Variants in NYAP2 observed in about 807,000 individuals in gnomAD.
NYAP2 encodes neuronal tyrosine-phosphorylated phosphoinositide-3-kinase adapter 2.
A neutral mutation model predicts 50.4 loss-of-function variants in NYAP2; 23 were observed. The ratio of observed to expected loss-of-function variants is 0.46; its 90% CI spans 0.33 to 0.65. The LOEUF (loss-of-function observed/expected upper bound fraction) is 0.65. Among genes scored for constraint, NYAP2 ranks in the 30% least tolerant of loss-of-function variants. The probability of loss-of-function intolerance (pLI) is 0.02; values close to 1 mark genes in which losing one functional copy is unlikely to be tolerated. For missense variants in NYAP2, 885 were observed against 861.0 expected (o/e 1.03, Z -0.35); for synonymous variants, 394 against 365.2 (o/e 1.08, Z -0.90).
At chr2:225,435,137 G>A (rs1488730905) in intron 3 of NYAP2, among the ~76,000 whole-genome samples, 3 of 151,718 alleles carry the variant, frequency 2.0e-5, no homozygotes, top group Non-Finnish European at 4.4e-5. Flanking sequence ...TGCTTTTTTC[G>A]GTGACACTTC....
chr2:225,532,241 C>A (rs1574662105), intron 4 of NYAP2, among the ~76,000 whole-genome samples: 1 of 152,168 alleles, frequency 6.6e-6, no homozygotes, highest in African/African-American at 2.4e-5. Flanking sequence ...TTCACCCTAC[C>A]TTACAGTGTG....
the NYAP2 span, among the ~76,000 whole-genome samples, chr2:225,668,503 C>CTCT: frequency 1.3e-5 from 2 of 152,126 alleles, no homozygotes; most frequent in South Asian, 4.1e-4. Context: ...CTTGTATTTT[C>CTCT]TCTTAGAAAA....
intron 4 of NYAP2, among the ~76,000 whole-genome samples, chr2:225,525,084 G>A (rs1252494226): frequency 6.6e-6 from 1 of 152,028 alleles, no homozygotes; most frequent in Admixed American, 6.6e-5. Flanking sequence ...GTTAAAAAAT[G>A]GATGTTGGCA....
chr2:225,680,701 A>G, the NYAP2 span, among the ~76,000 whole-genome samples: 1 of 152,172 alleles, frequency 6.6e-6, no homozygotes, highest in Non-Finnish European at 1.5e-5. Context: ...ATGCAATTAG[A>G]TTCCCTGCAA....
At chr2:225,599,491 G>T (rs1692661483) in intron 5 of NYAP2, among the ~76,000 whole-genome samples, 5 of 150,718 alleles carry the variant, frequency 3.3e-5, no homozygotes, top group African/African-American at 1.2e-4. Context: ...AGTCATCAGG[G>T]CATGGTAGAG....
chr2:225,517,701 T>C lies in NYAP2; in HGVS notation c.523+4029T>C, dbSNP rs1038135649. On this transcript the variant is annotated intron_variant, in intron 4 of 6. Transcript: ENST00000636099. ...TACCTTATTGAATCACCACTTCTAA[T>C]AGGCCTGAATAACATGAAATTTTGG... Among the ~76,000 whole-genome samples, 3 of 152,152 alleles carry C rather than the reference T, an allele frequency of 2.0e-5. No individual in the cohort carries two copies. In the East Asian group the frequency reaches 5.8e-4, roughly 29 times the overall value.
At chr2:225,470,056 T>G (rs1295806153) in intron 3 of NYAP2, among the ~76,000 whole-genome samples, 1 of 152,182 alleles carries the variant, frequency 6.6e-6, no homozygotes, top group East Asian at 1.9e-4. Context: ...CTAACAGGCC[T>G]GTTCTGGAGA....
chr2:225,554,850 ATATGT>A lies in NYAP2; in HGVS notation c.524-27088_524-27084del, dbSNP rs1691749428. Among the ~76,000 whole-genome samples, 6 of 152,262 alleles carry A rather than the reference ATATGT, an allele frequency of 3.9e-5. No homozygotes were observed. The South Asian group carries it at 1.2e-3, about 32-fold the overall frequency. On this transcript the variant is annotated intron_variant, in intron 4 of 6. Coordinates refer to ENST00000636099, the Ensembl canonical transcript of NYAP2. ...AATGAGTAACAATGTGAGATGATAGATATGTTAGTTTGTTCCACTATAATAACCAT... is the reference window on the plus strand; with the variant it reads ...AATGAGTAACAATGTGAGATGATAGATAGTTTGTTCCACTATAATAACCAT...
intron 6 of NYAP2, among the ~76,000 whole-genome samples, chr2:225,637,710 C>T (rs1284034638): frequency 6.6e-6 from 1 of 152,166 alleles, no homozygotes; most frequent in Non-Finnish European, 1.5e-5. Context: ...AAAACTGTGA[C>T]TTCTGCTGGC....
intron 6 of NYAP2, among the ~76,000 whole-genome samples, chr2:225,628,875 A>G (rs771185266): frequency 1.3e-5 from 2 of 152,170 alleles, no homozygotes; most frequent in Admixed American, 6.5e-5. Flanking sequence ...TGAGAATACA[A>G]TGACAAAAAA....
chr2:225,472,989 T>C (rs1191643288), intron 3 of NYAP2, among the ~76,000 whole-genome samples: 1 of 152,176 alleles, frequency 6.6e-6, no homozygotes, highest in Admixed American at 6.5e-5. Context: ...CCCCAGTGTG[T>C]GATGTTCCCC....
intron 5 of NYAP2, among the ~76,000 whole-genome samples, chr2:225,600,680 C>A (rs2106241404): frequency 6.6e-6 from 1 of 152,280 alleles, no homozygotes; most frequent in East Asian, 1.9e-4. Flanking sequence ...CATCACCACT[C>A]AAGAGCTTTC....
intron 3 of NYAP2, among the ~76,000 whole-genome samples, chr2:225,512,872 C>T (rs62188685): frequency 0.31 from 41,092 of 131,294 alleles, 6,727 homozygotes; most frequent in South Asian, 0.47. Context: ...TTCCTTCCTT[C>T]CTTCCTTCCT....
intron 5 of NYAP2, among the ~76,000 whole-genome samples, chr2:225,626,689 T>G (rs969098318): frequency 2.6e-5 from 4 of 152,174 alleles, no homozygotes; most frequent in Non-Finnish European, 1.5e-5. Flanking sequence ...GTCGAGGTAC[T>G]CTTTTTCCAA....
At chr2:225,612,691 GC>G (rs1363695313) in intron 5 of NYAP2, among the ~76,000 whole-genome samples, 2 of 136,112 alleles carry the variant, frequency 1.5e-5, no homozygotes, top group Non-Finnish European at 3.3e-5. Context: ...GACAGAGAAA[GC>G]ACTGCTGTCC....
At chr2:225,668,056 C>T in the NYAP2 span, among the ~76,000 whole-genome samples, 3 of 151,992 alleles carry the variant, frequency 2.0e-5, no homozygotes, top group African/African-American at 7.3e-5. Context: ...AATATTATAC[C>T]CCTCCCCAGT....
intron 3 of NYAP2, among the ~76,000 whole-genome samples, chr2:225,478,249 A>G (rs1690149818): frequency 6.6e-6 from 1 of 152,170 alleles, no homozygotes; most frequent in South Asian, 2.1e-4. Flanking sequence ...GATCCTGGAT[A>G]TATGGAGGAT....
chr2:225,584,135 A>C (rs1038211893), intron 5 of NYAP2, among the ~76,000 whole-genome samples: 1 of 152,208 alleles, frequency 6.6e-6, no homozygotes. Flanking sequence ...AGAACTTAGA[A>C]TCTTCTTTGA....
chr2:225,669,851 A>G, the NYAP2 span, among the ~76,000 whole-genome samples: 1 of 152,172 alleles, frequency 6.6e-6, no homozygotes, highest in Non-Finnish European at 1.5e-5. Context: ...GCAAAGGGCA[A>G]GAAGGTTAAA....
Sources: allele counts gnomAD v4.1 joint callset (sites outside exome capture counted in the v4.1 genomes callset), GRCh38; gene constraint gnomAD v4.1.1; transcripts MANE v1.5; gene names NCBI Gene and HGNC (gene_info 2026-07-23, HGNC 2026-07-21).